The following EP400 variants were observed in gnomAD, a reference collection of about 807,000 sequenced individuals.
EP400 encodes the protein E1A-binding protein p400.
EP400 carries 105 observed loss-of-function variants against 354.1 expected under a neutral mutation model. The ratio of observed to expected loss-of-function variants is 0.30; its 90% CI spans 0.25 to 0.35. The LOEUF (loss-of-function observed/expected upper bound fraction) is 0.35. Ranked by LOEUF, EP400 falls within the 10% of genes least tolerant of loss-of-function variation. EP400 has a pLI of 1.00. For synonymous variants in EP400, 1,646 were observed against 1,716.9 expected (o/e 0.96, Z 1.02); for missense variants, 3,280 against 4,121.0 (o/e 0.80, Z 5.59).
chr12:131,977,429 G>A (rs1331019358), intron 2 of EP400, among the ~76,000 whole-genome samples: 2 of 151,590 alleles, frequency 1.3e-5, no homozygotes, highest in African/African-American at 2.4e-5. Context: ...CACCATGCCC[G>A]GCCTTGTTAC....
Position 132,021,084 on chromosome 12 carries a change from GCAGCCCCGTTTCAGACCTCT to G in EP400, c.4457_4476del (p.Ala1486GlyfsTer19). 1 of 1,595,976 alleles carries G rather than the reference GCAGCCCCGTTTCAGACCTCT, an allele frequency of 6.3e-7. No individual in the cohort carries two copies. The highest frequency in any genetic ancestry group is 8.5e-7 in the Non-Finnish European group (1 of 1,177,428). ...ACAAACCTTATCGATTGCAGCAGCA[GCAGCCCCGTTTCAGACCTCT>G]CAGGCTTCCGCCAGTGCTCCACGAC... On this transcript the variant is annotated frameshift_variant, in exon 23 of 53. Coordinates refer to ENST00000389561, the MANE Select transcript of EP400 (RefSeq NM_015409.5). LOFTEE classifies it high-confidence loss of function.
chr12:132,027,943 G>A lies in EP400; in HGVS notation c.5110-74G>A, dbSNP rs1488721790. ...TCATATGTGGGAAATCACGGGCTGGGTGGGGGGTTGGTGAAGACAGGAACT... is the reference window on the plus strand; with the variant it reads ...TCATATGTGGGAAATCACGGGCTGGATGGGGGGTTGGTGAAGACAGGAACT... On this transcript the variant is annotated intron_variant, in intron 26 of 52. Transcript: ENST00000389561. This position sits in a 1 kb window ranked among gnomAD's most constrained non-coding sequence, Gnocchi z 4.9. 6.6e-7 allele frequency: 1 copy of A among 1,520,394 alleles called. No homozygotes were observed. Among genetic ancestry groups the A allele is most frequent in the Non-Finnish European group, 9.0e-7 (1 of 1,114,262 alleles). 94.2% of individuals were successfully genotyped at this position (1,520,394 alleles called of 1,614,324 possible).
intron 2 of EP400, among the ~76,000 whole-genome samples, chr12:131,963,093 A>G (rs563076532): frequency 6.6e-6 from 1 of 152,290 alleles, no homozygotes; most frequent in South Asian, 2.1e-4. Flanking sequence ...TTTGTATACC[A>G]ATGTTGTCTG....
chr12:132,019,481 A>G (rs1478101205), intron 21 of EP400, among the ~76,000 whole-genome samples: 2 of 151,684 alleles, frequency 1.3e-5, no homozygotes, highest in Non-Finnish European at 2.9e-5. Flanking sequence ...AGCTGGCGGG[A>G]TTGCTTGAGC....
intron 12 of EP400, 69 bp from the exon 13 acceptor site, chr12:132,005,008 G>A: frequency 1.6e-6 from 2 of 1,260,900 alleles, no homozygotes; most frequent in South Asian, 2.6e-5. Flanking sequence ...CCTGGCTGCT[G>A]CTCCTTCCCA....
intron 2 of EP400, among the ~76,000 whole-genome samples, chr12:131,967,524 C>T (rs916870984): frequency 5.3e-5 from 8 of 150,850 alleles, no homozygotes; most frequent in African/African-American, 2.0e-4. Context: ...CCCATCTCTA[C>T]TTAAAAAAAA....
intron 2 of EP400, among the ~76,000 whole-genome samples, chr12:131,972,725 CTTTTTTTTTTTT>C (rs144441438): frequency 1.0e-5 from 1 of 98,100 alleles, no homozygotes; most frequent in African/African-American, 4.8e-5. Flanking sequence ...CTAACACAAC[CTTTTTTTTTTTT>C]TTTTTTTTTT....
intron 1 of EP400, among the ~76,000 whole-genome samples, chr12:131,956,048 A>G (rs1266035750): frequency 2.0e-5 from 3 of 152,142 alleles, no homozygotes; most frequent in Non-Finnish European, 4.4e-5. Flanking sequence ...GCATCTCTCT[A>G]GTCAGCTCCA....
rs1349701203 is a variant in EP400 at position 132,025,522 on chromosome 12, T to G, written c.4856-124T>G. Reference sequence around the variant, plus strand: ...TCACAGTAACTGAACTTTGCATTGATTTTTTTGTGTAGATTTGATTTTCAG... The same window carrying G: ...TCACAGTAACTGAACTTTGCATTGAGTTTTTTGTGTAGATTTGATTTTCAG... On this transcript the variant is annotated intron_variant, in intron 24 of 52. Coordinates refer to ENST00000389561, the MANE Select transcript of EP400 (RefSeq NM_015409.5). This position sits in a 1 kb window ranked among gnomAD's most constrained non-coding sequence, Gnocchi z 4.1. The G allele has an allele frequency of 8.4e-7, 1 of 1,195,194 alleles. No individual in the cohort carries two copies. Among genetic ancestry groups the G allele is most frequent in the Non-Finnish European group, 1.1e-6 (1 of 883,906 alleles). The allele number at this position is 1,195,194 out of a possible 1,614,324, so 74.0% of individuals were successfully genotyped here.
intron 2 of EP400, among the ~76,000 whole-genome samples, chr12:131,966,562 CAAAAAAAAAA>C (rs534384776): frequency 3.5e-5 from 2 of 57,518 alleles, no homozygotes; most frequent in Middle Eastern, 0.012. Flanking sequence ...TACCCTACCT[CAAAAAAAAAA>C]AAAAAAAAAA....
Position 132,050,684 on chromosome 12 carries a change from A to G in EP400, c.7394+29A>G. On this transcript the variant is annotated intron_variant, in intron 41 of 52. Transcript: ENST00000389561. This position sits in a 1 kb window ranked among gnomAD's most constrained non-coding sequence, Gnocchi z 4.8. ...TTTCTCTATTCGTGACACATTTGTT[A>G]CTGTTTGGAAGGATTTCATTCCAGT... is the stretch of plus-strand genomic sequence containing the variant. The G allele has an allele frequency of 6.2e-7, 1 of 1,613,746 alleles. No homozygotes were observed.
chr12:131,974,289 T>C (rs576879538), intron 2 of EP400, among the ~76,000 whole-genome samples: 59 of 152,220 alleles, frequency 3.9e-4, no homozygotes, highest in African/African-American at 1.4e-3. Flanking sequence ...AGTTTTTTAA[T>C]TTTTTTGTAG....
rs1428918598 is a variant in EP400 at position 131,961,093 on chromosome 12, G to C, written c.474G>C (p.Gly158=). 2 of 1,604,648 alleles carry C rather than the reference G, an allele frequency of 1.2e-6. No individual in the cohort carries two copies. Among genetic ancestry groups the C allele is most frequent in the South Asian group, 1.1e-5 (1 of 89,848 alleles). ...TGCGTGCAGGTGCCCCTGGCCCTGG[G>C]CTGGGCCTCTGCAGCAGCAGCCCTA... ...QNVRAGAPGP[G]LGLCSSSPTG... is the part of the protein sequence containing the mutation. Residue 158 remains glycine, a synonymous_variant, in exon 2 of 53, where the codon GGG becomes GGC. Coordinates refer to ENST00000389561, the MANE Select transcript of EP400 (RefSeq NM_015409.5).
At chr12:132,071,932 A>C (rs1896080802) in intron 51 of EP400, among the ~76,000 whole-genome samples, 1 of 151,618 alleles carries the variant, frequency 6.6e-6, no homozygotes, top group African/African-American at 2.4e-5. Flanking sequence ...GAGGGCTGTT[A>C]GTACAGTGGA....
intron 10 of EP400, 40 bp downstream of exon 10, chr12:131,991,496 A>G (rs1014113919): frequency 6.3e-7 from 1 of 1,595,300 alleles, no homozygotes; most frequent in Non-Finnish European, 8.6e-7. Flanking sequence ...GAGAAGGAGT[A>G]GAAGCAGCTC....
chr12:131,976,528 A>G (rs1161231757), intron 2 of EP400, among the ~76,000 whole-genome samples: 1 of 152,128 alleles, frequency 6.6e-6, no homozygotes, highest in Non-Finnish European at 1.5e-5. Flanking sequence ...CCTGGCCAAT[A>G]TGGTGAAACC....
chr12:132,077,709 A>C lies in EP400; in HGVS notation c.*36A>C. The C allele has an allele frequency of 1.3e-6, 2 of 1,537,838 alleles. No individual in the cohort carries two copies. The highest frequency in any genetic ancestry group is 1.7e-6 in the Non-Finnish European group (2 of 1,146,184). ...AGGGCTGCCTCTCATCTAAAGCAAA[A>C]CTACCTTCCTCACAGAAAACGCTTT... On this transcript the variant is annotated 3_prime_UTR_variant, in exon 53 of 53. Coordinates refer to ENST00000389561, the MANE Select transcript of EP400 (RefSeq NM_015409.5).
rs1390429456 is a variant in EP400 at position 132,070,818 on chromosome 12, T to A, written c.9021+1177T>A. 6.6e-6 allele frequency among the ~76,000 whole-genome samples: 1 copy of A among 152,258 alleles called. No individual in the cohort carries two copies. The highest frequency in any genetic ancestry group is 2.4e-5 in the African/African-American group (1 of 41,468). On this transcript the variant is annotated intron_variant, in intron 51 of 52. Transcript: ENST00000389561. This position sits in a 1 kb window ranked among gnomAD's most constrained non-coding sequence, Gnocchi z 4.1. ...TTCTTAAGCAATCAGTATTTTTTGATGCTTTTGTAAATGGTATGCTTTTAA... is the reference window on the plus strand; with the variant it reads ...TTCTTAAGCAATCAGTATTTTTTGAAGCTTTTGTAAATGGTATGCTTTTAA...
intron 5 of EP400, among the ~76,000 whole-genome samples, chr12:131,984,980 A>G (rs984926809): frequency 6.6e-6 from 1 of 152,090 alleles, no homozygotes; most frequent in East Asian, 1.9e-4. Flanking sequence ...ATCATTTTAC[A>G]ATGCACATAA....
Sources: allele counts gnomAD v4.1 joint callset (sites outside exome capture counted in the v4.1 genomes callset), GRCh38; gene constraint gnomAD v4.1.1; non-coding constraint Gnocchi (gnomAD v3.1); transcripts MANE v1.5; gene names NCBI Gene and HGNC (gene_info 2026-07-23, HGNC 2026-07-21).